Variants in TBXAS1 observed in about 807,000 individuals in gnomAD.
TBXAS1 encodes the protein thromboxane-A synthase.
Under a neutral mutation model 60.7 loss-of-function variants are expected in TBXAS1, and 48 were observed. The observed-to-expected ratio is 0.79, with a 90% CI of 0.63 to 1.01. The LOEUF is 1.01. Ranked by LOEUF, TBXAS1 falls within the 50% of genes least tolerant of loss-of-function variation. The probability of loss-of-function intolerance (pLI) is 0.00; values close to 1 mark genes in which losing one functional copy is unlikely to be tolerated. For synonymous variants in TBXAS1, 287 were observed against 269.7 expected (o/e 1.06, Z -0.63); for missense variants, 685 against 686.3 (o/e 1.00, Z 0.02).
At chr7:139,781,712 G>A (rs1160728170) in intron 2 of TBXAS1, among the ~76,000 whole-genome samples, 2 of 151,924 alleles carry the variant, frequency 1.3e-5, no homozygotes, top group African/African-American at 2.4e-5. Context: ...GTGGGCACCT[G>A]TAATCCCAGC....
At chr7:139,990,900 T>C (rs1057371860) in intron 9 of TBXAS1, among the ~76,000 whole-genome samples, 3 of 152,148 alleles carry the variant, frequency 2.0e-5, no homozygotes, top group Non-Finnish European at 4.4e-5. Context: ...ACCTTCAGGC[T>C]AACCCCCTTG....
Position 140,011,387 on chromosome 7 carries a change from T to C in TBXAS1, c.1226+4205T>C, listed in dbSNP as rs570609675. 2.7e-5 allele frequency among the ~76,000 whole-genome samples: 3 copies of C among 109,580 alleles called. No individual in the cohort carries two copies. The South Asian group carries it at 1.2e-3, about 43-fold the overall frequency. 71.9% of individuals were successfully genotyped at this position (109,580 alleles called of 152,430 possible). A position where few individuals can be genotyped will look rare whatever the true frequency, so the allele number is the denominator to read the frequency against. ...CATTCTCCATCCCAATCCCATCCCC[T>C]AGAGAAGAGAAAGATAGAAATTTAA... On this transcript the variant is annotated intron_variant, in intron 10 of 12. Transcript: ENST00000448866.
chr7:139,942,961 C>T (rs1199924404), intron 5 of TBXAS1, among the ~76,000 whole-genome samples: 2 of 152,104 alleles, frequency 1.3e-5, no homozygotes, highest in Admixed American at 6.6e-5. Flanking sequence ...TGATATAGCC[C>T]GCTTATGAGT....
At chr7:139,843,164 C>T (rs1204220474) in intron 1 of TBXAS1, among the ~76,000 whole-genome samples, 1 of 152,114 alleles carries the variant, frequency 6.6e-6, no homozygotes, top group East Asian at 1.9e-4. Context: ...AATGCTCTCC[C>T]TTCTTGGTTT....
At chr7:139,984,470 C>T (rs1470755824) in intron 9 of TBXAS1, among the ~76,000 whole-genome samples, 3 of 152,030 alleles carry the variant, frequency 2.0e-5, no homozygotes, top group East Asian at 1.9e-4. Flanking sequence ...GGGTCCCTCA[C>T]CTGCCACTCC....
At chr7:139,991,092 G>A (rs1222138054) in intron 9 of TBXAS1, among the ~76,000 whole-genome samples, 2 of 152,206 alleles carry the variant, frequency 1.3e-5, no homozygotes, top group African/African-American at 2.4e-5. Context: ...CGACGCAGAA[G>A]CAGAAACCAC....
chr7:139,978,775 C>CAAAAAAAAA (rs35583867), intron 9 of TBXAS1, among the ~76,000 whole-genome samples: 5 of 90,972 alleles, frequency 5.5e-5, no homozygotes, highest in Non-Finnish European at 9.2e-5. Context: ...CCTGCCTCTA[C>CAAAAAAAAA]AAAAAAAAAA....
chr7:139,782,411 C>A (rs1236155313), intron 2 of TBXAS1: 1 of 151,358 alleles, frequency 6.6e-6, no homozygotes, highest in Admixed American at 6.6e-5. Context: ...CATGGGGGAG[C>A]TTTGACCTCA....
intron 4 of TBXAS1, among the ~76,000 whole-genome samples, chr7:139,817,714 GCT>G (rs1205089432): frequency 6.6e-6 from 1 of 152,102 alleles, no homozygotes; most frequent in Admixed American, 6.5e-5. Context: ...AGAACTCACT[GCT>G]CTCTCTGCAC....
chr7:139,980,676 A>G (rs1584997938), intron 9 of TBXAS1, among the ~76,000 whole-genome samples: 2 of 150,808 alleles, frequency 1.3e-5, no homozygotes, highest in African/African-American at 4.9e-5. Context: ...CAATGTCTCT[A>G]TTTTCTGTTC....
intron 1 of TBXAS1, among the ~76,000 whole-genome samples, chr7:139,853,491 G>A (rs543206687): frequency 2.6e-5 from 4 of 152,272 alleles, no homozygotes; most frequent in East Asian, 1.9e-4. Flanking sequence ...TCTGCAAAAC[G>A]GAGATAATAA....
At chr7:139,788,218 A>G (rs577107957) in intron 4 of TBXAS1, among the ~76,000 whole-genome samples, 1 of 152,366 alleles carries the variant, frequency 6.6e-6, no homozygotes, top group East Asian at 1.9e-4. Context: ...CCAAGTTCAC[A>G]GATCCCCTGA....
intron 4 of TBXAS1, among the ~76,000 whole-genome samples, chr7:139,804,408 A>T (rs556560237): frequency 1.3e-5 from 2 of 152,228 alleles, no homozygotes; most frequent in Non-Finnish European, 2.9e-5. Flanking sequence ...GCTCATAGGC[A>T]GAAGAGATTT....
At chr7:139,901,088 C>A (rs1202644065) in intron 3 of TBXAS1, among the ~76,000 whole-genome samples, 1 of 152,194 alleles carries the variant, frequency 6.6e-6, no homozygotes, top group African/African-American at 2.4e-5. Flanking sequence ...CCATCCCAGA[C>A]ACCCAAAACG....
intron 4 of TBXAS1, among the ~76,000 whole-genome samples, chr7:139,808,046 C>A (rs569574997): frequency 8.5e-5 from 13 of 152,050 alleles, no homozygotes; most frequent in South Asian, 2.1e-4. Context: ...TAAAACAAAC[C>A]CTCAGCCAGG....
intron 4 of TBXAS1, among the ~76,000 whole-genome samples, chr7:139,817,303 C>T (rs146445928): frequency 7.2e-5 from 11 of 152,170 alleles, no homozygotes; most frequent in South Asian, 6.2e-4. Context: ...GACACATGCA[C>T]GCTGCCCACC....
At chr7:139,966,383 T>C (rs1401516922) in intron 9 of TBXAS1, among the ~76,000 whole-genome samples, 1 of 152,010 alleles carries the variant, frequency 6.6e-6, no homozygotes, top group African/African-American at 2.4e-5. Context: ...TCTCAGGGAG[T>C]TTACTGACCC....
intron 9 of TBXAS1, among the ~76,000 whole-genome samples, chr7:139,974,154 C>T (rs1811403414): frequency 6.6e-6 from 1 of 152,174 alleles, no homozygotes; most frequent in Non-Finnish European, 1.5e-5. Context: ...GGATGAGTAA[C>T]TGGTTCAAGT....
chr7:139,835,105 C>T (rs944241243), intron 1 of TBXAS1, among the ~76,000 whole-genome samples: 4 of 148,994 alleles, frequency 2.7e-5, no homozygotes, highest in Admixed American at 6.7e-5. Context: ...CTTGCTCTGT[C>T]GCCCAGGCTG....
Sources: allele counts gnomAD v4.1 joint callset (sites outside exome capture counted in the v4.1 genomes callset), GRCh38; gene constraint gnomAD v4.1.1; transcripts MANE v1.5; gene names NCBI Gene and HGNC (gene_info 2026-07-23, HGNC 2026-07-21).